The following HTT variants were observed in gnomAD, a reference collection of about 807,000 sequenced individuals.
HTT encodes huntington disease protein.
HTT carries 104 observed loss-of-function variants against 362.3 expected under a neutral mutation model. The observed-to-expected ratio is 0.29, with a 90% CI of 0.24 to 0.34. The LOEUF is 0.34. Ranked by LOEUF, HTT falls within the 10% of genes least tolerant of loss-of-function variation. The pLI, the probability that HTT is intolerant of heterozygous loss-of-function variation, is 1.00. For missense variants in HTT, 3,301 were observed against 3,928.6 expected, an observed-to-expected ratio of 0.84 and a Z score of 4.27; for synonymous variants, 1,577 against 1,548.7, an observed-to-expected ratio of 1.02 and a Z score of -0.43.
chr4:3,182,840 T>A (rs973313959), intron 37 of HTT, among the ~76,000 whole-genome samples: 1 of 152,160 alleles, frequency 6.6e-6, no homozygotes, highest in Non-Finnish European at 1.5e-5. Flanking sequence ...TAGATTTTTG[T>A]TTTTGTTACC....
At chr4:3,157,676 A>C (rs1292238498) in intron 28 of HTT, among the ~76,000 whole-genome samples, 1 of 152,178 alleles carries the variant, frequency 6.6e-6, no homozygotes, top group African/African-American at 2.4e-5. Context: ...CAGCTAGGGA[A>C]AGTTTATGTC....
intron 53 of HTT, among the ~76,000 whole-genome samples, chr4:3,221,802 C>A (rs115112804): frequency 1.3e-5 from 2 of 152,234 alleles, no homozygotes; most frequent in East Asian, 3.9e-4. Context: ...ACTGAATCCC[C>A]GTTCCTACCT....
At position 3,204,014 on chromosome 4, in the gene HTT, A is replaced by C. The variant is rs752477452; in HGVS notation, c.5584A>C (p.Ser1862Arg). ...AEVQQTPKRH[S>R]LSSTKLLSPQ... is the part of the protein sequence containing the mutation. ...ATCTGTTGCTCCTTCTAGAAGACAC[A>C]GTCTGTCCAGCACAAAGTTACTTAG... Residue 1862 changes from serine (S) to arginine (R), a missense_variant, in exon 42 of 67, where the codon AGT (serine) becomes CGT (arginine). Ser to Arg is a moderately radical substitution (Grantham distance 110, BLOSUM62 -1). Around this residue, in one of 4 missense-constraint regions of HTT, gnomAD observed 2,316 missense variants for 2,658.5 expected, o/e 0.87. Coordinates refer to ENST00000355072, the MANE Select transcript of HTT (RefSeq NM_001388492.1). 1 of 1,614,180 alleles carries C rather than the reference A, an allele frequency of 6.2e-7. No individual in the cohort carries two copies. The highest frequency in any genetic ancestry group is 8.5e-7 in the Non-Finnish European group (1 of 1,179,982).
At chr4:3,160,794 A>G (rs895316454) in intron 29 of HTT, among the ~76,000 whole-genome samples, 1 of 152,164 alleles carries the variant, frequency 6.6e-6, no homozygotes. Context: ...TGGGGTTGAC[A>G]GTCATATTCT....
chr4:3,234,867 T>C (rs1218980765), intron 61 of HTT, among the ~76,000 whole-genome samples: 2 of 152,128 alleles, frequency 1.3e-5, no homozygotes, highest in African/African-American at 2.4e-5. Flanking sequence ...AGGCCGGCGC[T>C]GTCGGGGGAT....
At chr4:3,122,121 C>T (rs887007630) in intron 9 of HTT, among the ~76,000 whole-genome samples, 1 of 152,184 alleles carries the variant, frequency 6.6e-6, no homozygotes, top group Admixed American at 6.5e-5. Context: ...ATCCGTCTGT[C>T]CCCAGCTCTG....
intron 39 of HTT, 148 bp downstream of exon 39, chr4:3,188,034 G>A (rs1167157079): frequency 1.6e-5 from 10 of 606,486 alleles, no homozygotes; most frequent in East Asian, 8.3e-5. Context: ...TTTCTAATCC[G>A]TCCTGCATTA....
chr4:3,208,482 G>A (rs1719976065), intron 45 of HTT, among the ~76,000 whole-genome samples: 1 of 152,170 alleles, frequency 6.6e-6, no homozygotes, highest in South Asian at 2.1e-4. Context: ...TGTATTGCCT[G>A]TTGCAGTGTT....
At chr4:3,231,811 CTG>C (rs1361286947) in intron 60 of HTT, among the ~76,000 whole-genome samples, 1 of 152,124 alleles carries the variant, frequency 6.6e-6, no homozygotes, top group Non-Finnish European at 1.5e-5. Context: ...TGAATTGTAA[CTG>C]TGGTTTTGTG....
chr4:3,093,913 T>TTTG (rs1560544036), intron 2 of HTT, among the ~76,000 whole-genome samples: 1 of 133,956 alleles, frequency 7.5e-6, no homozygotes, highest in Non-Finnish European at 1.6e-5. Context: ...TGGTTTTTTT[T>TTTG]TTTTTTTTTT....
intron 47 of HTT, among the ~76,000 whole-genome samples, chr4:3,211,057 C>T (rs1003954184): frequency 6.6e-6 from 1 of 152,072 alleles, no homozygotes; most frequent in African/African-American, 2.4e-5. Context: ...GCATGCACCA[C>T]CACGCCCGGC....
At chr4:3,094,622 G>A (rs1356976070) in intron 2 of HTT, among the ~76,000 whole-genome samples, 2 of 143,896 alleles carry the variant, frequency 1.4e-5, no homozygotes, top group Non-Finnish European at 3.1e-5. Flanking sequence ...CTGGCCGGGC[G>A]GGGGCTGCCC....
chr4:3,166,319 A>G (rs557296297), intron 29 of HTT, among the ~76,000 whole-genome samples: 11 of 152,238 alleles, frequency 7.2e-5, no homozygotes, highest in Admixed American at 5.2e-4. Flanking sequence ...GTCTGCCTGT[A>G]TGAGGTGTTT....
chr4:3,124,211 C>T (rs548426757), intron 10 of HTT, among the ~76,000 whole-genome samples: 14 of 152,292 alleles, frequency 9.2e-5, no homozygotes, highest in African/African-American at 2.6e-4. Flanking sequence ...GATTTTGGGA[C>T]GTGTGACTAA....
At chr4:3,097,148 A>G (rs1713895971) in intron 2 of HTT, among the ~76,000 whole-genome samples, 1 of 152,198 alleles carries the variant, frequency 6.6e-6, no homozygotes, top group Admixed American at 6.5e-5. Context: ...AGAAGAATGG[A>G]CATCATAAAG....
intron 5 of HTT, among the ~76,000 whole-genome samples, chr4:3,106,598 A>T (rs553727653): frequency 6.6e-6 from 1 of 152,294 alleles, no homozygotes; most frequent in East Asian, 1.9e-4. Context: ...TAGAGATTCC[A>T]GACTCGTCAA....
chr4:3,150,294 G>A (rs1716811182), intron 26 of HTT, among the ~76,000 whole-genome samples: 2 of 152,140 alleles, frequency 1.3e-5, no homozygotes, highest in South Asian at 2.1e-4. Flanking sequence ...ACTGAACCCC[G>A]ATTCGGTTTA....
chr4:3,201,364 A>G (rs1419481838), intron 41 of HTT, among the ~76,000 whole-genome samples: 1 of 152,104 alleles, frequency 6.6e-6, no homozygotes, highest in African/African-American at 2.4e-5. Context: ...TGCTGTCTCT[A>G]CTGAAAATAA....
chr4:3,141,898 C>T (rs1309348334), intron 22 of HTT, among the ~76,000 whole-genome samples: 1 of 152,182 alleles, frequency 6.6e-6, no homozygotes, highest in Admixed American at 6.5e-5. Context: ...AGGACAAATA[C>T]TCCTTTAAGA....
Sources: allele counts gnomAD v4.1 joint callset (sites outside exome capture counted in the v4.1 genomes callset), GRCh38; gene constraint gnomAD v4.1.1; regional missense constraint gnomAD v4.1.1; transcripts MANE v1.5; gene names NCBI Gene and HGNC (gene_info 2026-07-23, HGNC 2026-07-21).